The following OPRM1 variants were observed in gnomAD, a reference collection of about 807,000 sequenced individuals.
The protein encoded by OPRM1 is opioid receptor mu 1, also known as mu-type opioid receptor.
In OPRM1, 27 loss-of-function variants were observed where a neutral mutation model predicts 31.8. That is an observed-to-expected ratio of 0.85 (90% CI 0.63 to 1.17). OPRM1 has a LOEUF of 1.17. Among genes scored for constraint, OPRM1 ranks in the 50% most tolerant of loss-of-function variants. The pLI, the probability that OPRM1 is intolerant of heterozygous loss-of-function variation, is 0.00. For missense variants in OPRM1, 536 were observed against 511.1 expected (o/e 1.05, Z -0.47); for synonymous variants, 196 against 189.9 (o/e 1.03, Z -0.26).
chr6:154,078,210 T>G lies in OPRM1; in HGVS notation c.291-11616T>G, dbSNP rs116534885. 8.4e-3 allele frequency among the ~76,000 whole-genome samples: 1,275 copies of G among 152,332 alleles called. 17 individuals carry two copies. Among genetic ancestry groups the G allele is most frequent in the African/African-American group, 0.029 (1,221 of 41,570 alleles). On this transcript the variant is annotated intron_variant, in intron 1 of 3. Transcript: ENST00000330432. ...TTCCATGCTTTATAAACTACCCATATGTCAACTACTCCCAAAGTCACACTC... is the reference window on the plus strand; with the variant it reads ...TTCCATGCTTTATAAACTACCCATAGGTCAACTACTCCCAAAGTCACACTC...
At chr6:154,187,133 C>T (rs1020735975) in intron 3 of OPRM1, among the ~76,000 whole-genome samples, 1 of 152,010 alleles carries the variant, frequency 6.6e-6, no homozygotes, top group Admixed American at 6.6e-5. Flanking sequence ...AAGACTCTTC[C>T]CCAAATATTA....
chr6:154,169,455 C>T (rs1799698469), intron 3 of OPRM1, among the ~76,000 whole-genome samples: 2 of 152,148 alleles, frequency 1.3e-5, no homozygotes, highest in African/African-American at 2.4e-5. Context: ...CATCTTTAAA[C>T]CCATGCAAGT....
intron 3 of OPRM1, among the ~76,000 whole-genome samples, chr6:154,175,245 A>T (rs1438443820): frequency 2.0e-5 from 3 of 152,206 alleles, no homozygotes; most frequent in Non-Finnish European, 2.9e-5. Context: ...TGACACCCTA[A>T]CATCACAATT....
intron 1 of OPRM1, chr6:154,083,654 G>C (rs1441880956): frequency 6.6e-6 from 1 of 152,384 alleles, no homozygotes; most frequent in Admixed American, 6.5e-5. Flanking sequence ...CAAGAAGACT[G>C]ATAGTCAGCC....
At chr6:154,218,490 A>T (rs933897911) in intron 3 of OPRM1, among the ~76,000 whole-genome samples, 1 of 152,126 alleles carries the variant, frequency 6.6e-6, no homozygotes, top group East Asian at 1.9e-4. Context: ...AACTTCTAAA[A>T]CAAGGACTCA....
intron 3 of OPRM1, chr6:154,092,097 T>C (rs508751): frequency 0.037 from 7,884 of 211,742 alleles, 321 homozygotes; most frequent in Admixed American, 0.15. Flanking sequence ...TCTAATAAAT[T>C]TTATTAGATT....
chr6:154,168,120 G>GAAA lies in OPRM1; in HGVS notation c.1164+76657_1164+76659dup. ...TCAGACACTTTTGTCTCTTCTATTT[G>GAAA]AAAAAAAAAAAGAAAGCAGTAACAA... On this transcript the variant is annotated intron_variant, in intron 3 of 3. Coordinates refer to the OPRM1 transcript ENST00000337049. The surrounding 1 kb of genome is among the most constrained non-coding windows in gnomAD (Gnocchi z 4.1). 1.7e-6 allele frequency: 2 copies of GAAA among 1,170,906 alleles called. No homozygotes were observed. Among genetic ancestry groups the GAAA allele is most frequent in the Non-Finnish European group, 2.3e-6 (2 of 867,734 alleles). 72.5% of individuals were successfully genotyped at this position (1,170,906 alleles called of 1,614,324 possible).
chr6:154,104,711 C>T (rs1795335767), intron 3 of OPRM1, among the ~76,000 whole-genome samples: 1 of 152,206 alleles, frequency 6.6e-6, no homozygotes, highest in Admixed American at 6.5e-5. Context: ...CTTTATTATA[C>T]ATGACCTGAT....
intron 1 of OPRM1, among the ~76,000 whole-genome samples, chr6:154,047,782 T>C (rs936276017): frequency 3.3e-5 from 5 of 152,208 alleles, no homozygotes; most frequent in Non-Finnish European, 7.3e-5. Flanking sequence ...TAAGTAGGTG[T>C]CTTCGTGTGT....
chr6:154,013,908 A>G (rs533728882), intron 1 of OPRM1, among the ~76,000 whole-genome samples: 3 of 152,140 alleles, frequency 2.0e-5, no homozygotes, highest in Non-Finnish European at 2.9e-5. Context: ...AGCTCATTCT[A>G]TTGGGGAAAG....
rs762547196 is a variant in OPRM1 at position 154,098,859 on chromosome 6, C to T, written c.1164+7387C>T. Among the ~76,000 whole-genome samples, 4 of 152,202 alleles carry T rather than the reference C, an allele frequency of 2.6e-5. No individual in the cohort carries two copies. The South Asian group carries it at 8.3e-4, about 32-fold the overall frequency. Reference sequence around the variant, plus strand: ...AATTTTCCTTTTCTAATTATTATTTCCCTGGAAATCAAGAATCCAAAGCCA... The same window carrying T: ...AATTTTCCTTTTCTAATTATTATTTTCCTGGAAATCAAGAATCCAAAGCCA... On this transcript the variant is annotated intron_variant, in intron 3 of 3. Coordinates refer to ENST00000330432, the MANE Select transcript of OPRM1 (RefSeq NM_000914.5).
intron 3 of OPRM1, among the ~76,000 whole-genome samples, chr6:154,188,493 C>T (rs1018280092): frequency 3.9e-5 from 6 of 152,134 alleles, no homozygotes; most frequent in African/African-American, 7.2e-5. Flanking sequence ...TGTGTATGCA[C>T]GCATGTGCAT....
chr6:154,229,904 C>T (rs1334755465), intron 3 of OPRM1, among the ~76,000 whole-genome samples: 4 of 152,300 alleles, frequency 2.6e-5, no homozygotes, highest in East Asian at 1.9e-4. Flanking sequence ...AAACCAGTGA[C>T]GCTTGCTGAA....
intron 3 of OPRM1, among the ~76,000 whole-genome samples, chr6:154,242,298 A>G (rs1780660660): frequency 6.6e-6 from 1 of 152,172 alleles, no homozygotes; most frequent in Admixed American, 6.5e-5. Context: ...CTTTTCCCAT[A>G]TCTGTTTTTA....
intron 3 of OPRM1, among the ~76,000 whole-genome samples, chr6:154,199,139 A>G (rs1233257996): frequency 6.6e-6 from 1 of 152,182 alleles, no homozygotes; most frequent in African/African-American, 2.4e-5. Flanking sequence ...TCTCCTTTAT[A>G]TGTAAAGGTT....
At chr6:154,186,963 C>T (rs67095421) in intron 3 of OPRM1, among the ~76,000 whole-genome samples, 14,362 of 152,074 alleles carry the variant, frequency 0.094, 1,064 homozygotes, top group African/African-American at 0.21. Flanking sequence ...GAGTGCTCAC[C>T]GCCTACATGG....
rs566336682 is a variant in OPRM1, at chr6:154,177,345, A to G, written c.1165-69348A>G. ...GCAAAAGAAACTATCATCAAAGTGA[A>G]CAGGCAACCTACAGAATGGGAGAAA... is the stretch of plus-strand genomic sequence containing the variant. On this transcript the variant is annotated intron_variant, in intron 3 of 3. Transcript: ENST00000337049. 3.9e-5 allele frequency among the ~76,000 whole-genome samples: 6 copies of G among 152,374 alleles called. No homozygotes were observed. In the East Asian group the frequency reaches 7.7e-4, roughly 20 times the overall value.
rs936006378 is a variant in OPRM1, at chr6:154,130,736, A to G, written c.*12015A>G. On this transcript the variant is annotated 3_prime_UTR_variant, in exon 4 of 4. Coordinates refer to ENST00000330432, the MANE Select transcript of OPRM1 (RefSeq NM_000914.5). ...TAAAAATATATCTACCAATATAAAT[A>G]GAATATATAAAGGGAATATATATAT... is the stretch of plus-strand genomic sequence containing the variant. 1.3e-5 allele frequency among the ~76,000 whole-genome samples: 2 copies of G among 151,982 alleles called. No individual in the cohort carries two copies. The highest frequency in any genetic ancestry group is 2.9e-5 in the Non-Finnish European group (2 of 67,976).
At chr6:154,104,277 A>ATT (rs1452738718) in intron 3 of OPRM1, among the ~76,000 whole-genome samples, 1 of 152,250 alleles carries the variant, frequency 6.6e-6, no homozygotes, top group East Asian at 1.9e-4. Context: ...TTAGTTAAAG[A>ATT]AAACATTCAG....
Sources: gnomAD v4.1 joint callset for allele counts (sites outside exome capture counted in the v4.1 genomes callset) on GRCh38, gnomAD v4.1.1 for gene constraint, Gnocchi (gnomAD v3.1) non-coding constraint, MANE v1.5 for transcripts, NCBI Gene and HGNC (gene_info 2026-07-23, HGNC 2026-07-21) for gene names.